Variants in NLGN1 observed in about 807,000 individuals in gnomAD.
NLGN1 encodes the protein neuroligin-1.
In NLGN1, 12 loss-of-function variants were observed where a neutral mutation model predicts 65.5. That is an observed-to-expected ratio of 0.18 (90% confidence interval 0.12 to 0.30). The LOEUF (loss-of-function observed/expected upper bound fraction) is 0.30, where lower values mean the gene tolerates loss of function less well. NLGN1 is among the 10% of genes least tolerant of loss of function. NLGN1 has a pLI of 1.00. For missense variants in NLGN1, 750 were observed against 1,007.1 expected (o/e 0.74, Z 3.46); for synonymous variants, 350 against 359.5 (o/e 0.97, Z 0.30).
intron 4 of NLGN1, among the ~76,000 whole-genome samples, chr3:174,261,585 GC>G (rs1170009743): frequency 7.4e-6 from 1 of 134,522 alleles, no homozygotes; most frequent in Non-Finnish European, 1.6e-5. Context: ...GAGATTTTGG[GC>G]TGAGACAATG....
chr3:173,733,663 C>CA (rs1326621182), intron 3 of NLGN1, among the ~76,000 whole-genome samples: 21 of 152,096 alleles, frequency 1.4e-4, no homozygotes, highest in Non-Finnish European at 2.8e-4. Context: ...CACCACTTTT[C>CA]AAGTTCACTC....
chr3:173,582,728 T>C (rs538113679), intron 2 of NLGN1, among the ~76,000 whole-genome samples: 2 of 152,080 alleles, frequency 1.3e-5, no homozygotes, highest in African/African-American at 4.8e-5. Flanking sequence ...CTTTTATGAG[T>C]GTACATTTTG....
At chr3:174,239,178 C>T (rs891953644) in intron 4 of NLGN1, among the ~76,000 whole-genome samples, 1 of 152,048 alleles carries the variant, frequency 6.6e-6, no homozygotes, top group Non-Finnish European at 1.5e-5. Flanking sequence ...AAGTGATTCT[C>T]CTGCCTCAGC....
At chr3:173,603,466 A>C (rs1483639456) in intron 2 of NLGN1, among the ~76,000 whole-genome samples, 1 of 152,042 alleles carries the variant, frequency 6.6e-6, no homozygotes. Flanking sequence ...AGACAGTGAG[A>C]AAAAAACTGT....
chr3:173,842,855 T>C (rs1456382701), intron 4 of NLGN1, among the ~76,000 whole-genome samples: 1 of 152,190 alleles, frequency 6.6e-6, no homozygotes, highest in African/African-American at 2.4e-5. Context: ...GGCCGCCTTC[T>C]CACAGCTCCA....
chr3:173,868,945 T>G (rs1730689267), intron 4 of NLGN1, among the ~76,000 whole-genome samples: 1 of 152,092 alleles, frequency 6.6e-6, no homozygotes, highest in Non-Finnish European at 1.5e-5. Flanking sequence ...AGGAAAACCT[T>G]GAAAACACCC....
chr3:173,523,027 T>C lies in NLGN1; in HGVS notation c.-320-81252T>C, dbSNP rs140343786. ...TTTGCATTTCTCTAATGATTAGTTA[T>C]ATTGAGCATTTTTTATATGCATGTT... On this transcript the variant is annotated intron_variant, in intron 2 of 6. Transcript: ENST00000457714. Among the ~76,000 whole-genome samples the C allele has an allele frequency of 7.7e-4, 117 of 151,816 alleles. 5 individuals carry two copies. The highest frequency in any genetic ancestry group is 1.8e-4 in the Non-Finnish European group (12 of 67,784).
chr3:173,428,645 G>A (rs1190077982), intron 1 of NLGN1, among the ~76,000 whole-genome samples: 2 of 151,734 alleles, frequency 1.3e-5, no homozygotes, highest in Non-Finnish European at 2.9e-5. Flanking sequence ...TGATAAATTT[G>A]TCTTTTAGTC....
chr3:174,223,347 G>T (rs913008490), intron 4 of NLGN1, among the ~76,000 whole-genome samples: 1 of 152,062 alleles, frequency 6.6e-6, no homozygotes, highest in Non-Finnish European at 1.5e-5. Context: ...TCAAATCTTT[G>T]TAATTTTCTT....
chr3:173,636,785 T>G (rs1756662984), intron 3 of NLGN1, among the ~76,000 whole-genome samples: 1 of 152,170 alleles, frequency 6.6e-6, no homozygotes, highest in Non-Finnish European at 1.5e-5. Context: ...TCATTTCTCT[T>G]GGACACTAAT....
chr3:174,206,212 C>A (rs993747619), intron 4 of NLGN1, among the ~76,000 whole-genome samples: 6 of 152,152 alleles, frequency 3.9e-5, no homozygotes, highest in Admixed American at 1.3e-4. Flanking sequence ...CACAGATAAT[C>A]TTCTAAGCAG....
intron 3 of NLGN1, among the ~76,000 whole-genome samples, chr3:173,729,793 T>C (rs994354921): frequency 2.0e-5 from 3 of 152,138 alleles, no homozygotes; most frequent in African/African-American, 7.2e-5. Flanking sequence ...TAAATGTGTA[T>C]GTGGTGGGAC....
At chr3:173,784,940 C>T (rs1188788692) in intron 3 of NLGN1, among the ~76,000 whole-genome samples, 11 of 152,272 alleles carry the variant, frequency 7.2e-5, no homozygotes, top group Non-Finnish European at 1.2e-4. Flanking sequence ...TGATATGAAT[C>T]TCCACATGGG....
chr3:173,690,816 T>A (rs975394001), intron 3 of NLGN1, among the ~76,000 whole-genome samples: 4 of 152,104 alleles, frequency 2.6e-5, no homozygotes, highest in Admixed American at 2.6e-4. Context: ...TAATTATAGT[T>A]TGTATGGAGA....
At chr3:174,208,990 C>G (rs1366379768) in intron 4 of NLGN1, among the ~76,000 whole-genome samples, 1 of 151,998 alleles carries the variant, frequency 6.6e-6, no homozygotes, top group African/African-American at 2.4e-5. Context: ...GTGGCATGGT[C>G]TAGGCTCACC....
intron 4 of NLGN1, among the ~76,000 whole-genome samples, chr3:173,972,413 G>A (rs895097174): frequency 1.3e-5 from 2 of 152,134 alleles, no homozygotes; most frequent in Admixed American, 1.3e-4. Context: ...TGAATGCAAA[G>A]GCGCAGAAGA....
At chr3:173,788,332 AC>A (rs1216521750) in intron 3 of NLGN1, among the ~76,000 whole-genome samples, 1 of 151,944 alleles carries the variant, frequency 6.6e-6, no homozygotes. Flanking sequence ...TACATTTAGA[AC>A]CCTCACTTTT....
chr3:173,864,190 A>C (rs372160979), intron 4 of NLGN1, among the ~76,000 whole-genome samples: 3 of 152,230 alleles, frequency 2.0e-5, no homozygotes, highest in Non-Finnish European at 2.9e-5. Context: ...TTTCACAAGC[A>C]TAATATGACA....
chr3:174,011,922 A>G (rs1172893509), intron 4 of NLGN1, among the ~76,000 whole-genome samples: 1 of 152,202 alleles, frequency 6.6e-6, no homozygotes, highest in Non-Finnish European at 1.5e-5. Flanking sequence ...GGAGGTGCTC[A>G]TTATTCCCAG....
Sources: allele counts gnomAD v4.1 joint callset (sites outside exome capture counted in the v4.1 genomes callset), GRCh38; gene constraint gnomAD v4.1.1; transcripts MANE v1.5; gene names NCBI Gene and HGNC (gene_info 2026-07-23, HGNC 2026-07-21).